Variants in PHF21A observed in about 807,000 individuals in gnomAD.
The protein encoded by PHF21A is BHC80a.
Under a neutral mutation model 82.5 loss-of-function variants are expected in PHF21A, and 11 were observed. The ratio of observed to expected loss-of-function variants is 0.13; its 90% CI spans 0.08 to 0.22. PHF21A has a LOEUF of 0.22. PHF21A is among the 10% of genes least tolerant of loss of function. The pLI is 1.00. For synonymous variants in PHF21A, 297 were observed against 302.8 expected, an observed-to-expected ratio of 0.98 and a Z score of 0.20; for missense variants, 579 against 837.8, an observed-to-expected ratio of 0.69 and a Z score of 3.81.
intron 6 of PHF21A, among the ~76,000 whole-genome samples, chr11:46,042,235 A>AT (rs545570500): frequency 2.0e-5 from 3 of 152,326 alleles, no homozygotes; most frequent in African/African-American, 7.2e-5. Flanking sequence ...GACAAAACAT[A>AT]TTCCTCAATA....
chr11:46,110,639 A>G (rs2097201375), intron 1 of PHF21A, among the ~76,000 whole-genome samples: 1 of 152,198 alleles, frequency 6.6e-6, no homozygotes, highest in African/African-American at 2.4e-5. Flanking sequence ...TAACTGCTGA[A>G]TTTATTTCAT....
At chr11:46,025,011 C>T (rs1226139652) in intron 6 of PHF21A, among the ~76,000 whole-genome samples, 1 of 152,102 alleles carries the variant, frequency 6.6e-6, no homozygotes, top group Non-Finnish European at 1.5e-5. Flanking sequence ...TATGCTGTTC[C>T]ACCTCGCTTC....
At position 45,971,007 on chromosome 11, in the gene PHF21A, G is replaced by T. The variant is rs2136074460; in HGVS notation, c.612+109C>A. On this transcript the variant is annotated intron_variant, in intron 8 of 18. Coordinates refer to ENST00000676320, the MANE Select transcript of PHF21A (RefSeq NM_001352027.3). ...CAAAGGGGAATTTGGTATGCTAGAA[G>T]AATGATGGAAACTGAGAAATCCAGC... is the stretch of plus-strand genomic sequence containing the variant. The T allele has an allele frequency of 3.0e-6, 4 of 1,315,348 alleles. No individual in the cohort carries two copies. The South Asian group carries it at 4.5e-5, about 15-fold the overall frequency. The allele number at this position is 1,315,348 out of a possible 1,614,324, so 81.5% of individuals were successfully genotyped here. A position where few individuals can be genotyped will look rare whatever the true frequency, so the allele number is the denominator to read the frequency against.
chr11:45,994,062 C>T (rs760038648), intron 6 of PHF21A, among the ~76,000 whole-genome samples: 1 of 152,096 alleles, frequency 6.6e-6, no homozygotes, highest in Non-Finnish European at 1.5e-5. Flanking sequence ...TGGAGCCAAC[C>T]CAACAAGAAT....
intron 1 of PHF21A, chr11:46,116,533 AT>A (rs1180222892): frequency 1.3e-5 from 2 of 152,176 alleles, no homozygotes; most frequent in African/African-American, 4.8e-5. Flanking sequence ...GGGACATACA[AT>A]TCACAGGATC....
chr11:45,940,297 G>A (rs947630963), intron 15 of PHF21A, among the ~76,000 whole-genome samples: 1 of 151,912 alleles, frequency 6.6e-6, no homozygotes, highest in Non-Finnish European at 1.5e-5. Flanking sequence ...CTGGATTCAA[G>A]CGATTCTCCT....
chr11:45,966,581 C>A (rs894597241), intron 9 of PHF21A, among the ~76,000 whole-genome samples: 1 of 152,094 alleles, frequency 6.6e-6, no homozygotes, highest in Admixed American at 6.6e-5. Context: ...AGGTAACATA[C>A]CTGATTTTTA....
intron 5 of PHF21A, 142 bp from the exon 6 acceptor site, chr11:46,076,961 T>G (rs1185200414): frequency 1.6e-6 from 1 of 623,954 alleles, no homozygotes; most frequent in Non-Finnish European, 2.9e-6. Context: ...CATTACACTG[T>G]GGCCATAATA....
At chr11:45,966,803 C>G (rs1173424808) in intron 9 of PHF21A, among the ~76,000 whole-genome samples, 1 of 151,924 alleles carries the variant, frequency 6.6e-6, no homozygotes, top group Non-Finnish European at 1.5e-5. Context: ...ATTTTTAGTA[C>G]GGACAGGGTT....
intron 1 of PHF21A, among the ~76,000 whole-genome samples, chr11:46,093,696 G>C (rs1226103996): frequency 1.3e-5 from 2 of 152,172 alleles, no homozygotes; most frequent in East Asian, 3.8e-4. Context: ...CAGGCACATA[G>C]TAAATGCTCA....
At chr11:45,980,009 T>A (rs1565379407) in intron 6 of PHF21A, 43 bp from the exon 7 acceptor site, 1 of 1,612,240 alleles carries the variant, frequency 6.2e-7, no homozygotes, top group Non-Finnish European at 8.5e-7. Context: ...ATTAGAATAC[T>A]GCTCTATCAG....
intron 1 of PHF21A, among the ~76,000 whole-genome samples, chr11:46,102,914 T>C (rs571998300): frequency 2.2e-4 from 33 of 152,146 alleles, no homozygotes; most frequent in African/African-American, 7.7e-4. Context: ...GAAATAGAAA[T>C]AAAACAGTGG....
At position 45,969,772 on chromosome 11, in the gene PHF21A, G is replaced by A. The variant is rs1399087987; in HGVS notation, c.702+43C>T. 5 of 1,327,148 alleles carry A rather than the reference G, an allele frequency of 3.8e-6. No homozygotes were observed. The African/African-American group carries it at 7.2e-5, about 19-fold the overall frequency. The allele number at this position is 1,327,148 out of a possible 1,614,324, so 82.2% of individuals were successfully genotyped here. On this transcript the variant is annotated intron_variant, in intron 9 of 18. Coordinates refer to ENST00000676320, the MANE Select transcript of PHF21A (RefSeq NM_001352027.3). ...TTAGAAAGAGCCCATGAGGATTTCTGTCCCATCTAACCTATCATTGAGCTT... is the reference window on the plus strand; with the variant it reads ...TTAGAAAGAGCCCATGAGGATTTCTATCCCATCTAACCTATCATTGAGCTT...
At chr11:45,995,876 T>C (rs1014826412) in intron 6 of PHF21A, among the ~76,000 whole-genome samples, 1 of 152,216 alleles carries the variant, frequency 6.6e-6, no homozygotes, top group African/African-American at 2.4e-5. Flanking sequence ...AACCTTCTGG[T>C]AATCTTCATA....
At chr11:45,943,217 T>A (rs1171459682) in intron 15 of PHF21A, among the ~76,000 whole-genome samples, 2 of 144,896 alleles carry the variant, frequency 1.4e-5, no homozygotes, top group Non-Finnish European at 3.0e-5. Context: ...CAGCCTCCCA[T>A]GCTCAAGTGA....
At chr11:45,936,255 G>A (rs1407618325) in intron 17 of PHF21A, among the ~76,000 whole-genome samples, 1 of 152,134 alleles carries the variant, frequency 6.6e-6, no homozygotes, top group East Asian at 1.9e-4. Context: ...CCGAGCCTGG[G>A]TTGATACAGT....
At chr11:46,039,112 A>G (rs532862001) in intron 6 of PHF21A, among the ~76,000 whole-genome samples, 1 of 152,316 alleles carries the variant, frequency 6.6e-6, no homozygotes, top group African/African-American at 2.4e-5. Context: ...ACAACTCTAA[A>G]GACTTGACTT....
intron 6 of PHF21A, among the ~76,000 whole-genome samples, chr11:46,039,640 G>A (rs1443526536): frequency 6.6e-6 from 1 of 152,092 alleles, no homozygotes; most frequent in African/African-American, 2.4e-5. Context: ...AGAGGAATAG[G>A]CTCAATTTTA....
At chr11:46,015,272 T>G (rs1204175041) in intron 6 of PHF21A, among the ~76,000 whole-genome samples, 3 of 152,156 alleles carry the variant, frequency 2.0e-5, no homozygotes, top group Non-Finnish European at 4.4e-5. Context: ...AGACTGCAAA[T>G]ATTTTCTCCC....
Sources: allele counts gnomAD v4.1 joint callset (sites outside exome capture counted in the v4.1 genomes callset), GRCh38; gene constraint gnomAD v4.1.1; transcripts MANE v1.5; gene names NCBI Gene and HGNC (gene_info 2026-07-23, HGNC 2026-07-21).